The following ZNF76 variants were observed in gnomAD, a reference collection of about 807,000 sequenced individuals.
ZNF76 encodes zinc finger protein 523.
Under a neutral mutation model 66.9 loss-of-function variants are expected in ZNF76, and 66 were observed. The ratio of observed to expected loss-of-function variants is 0.99; its 90% confidence interval spans 0.81 to 1.21. The LOEUF (loss-of-function observed/expected upper bound fraction) is 1.21. Among genes scored for constraint, ZNF76 ranks in the 50% most tolerant of loss-of-function variants. ZNF76 has a pLI of 0.00. For missense variants in ZNF76, 729 were observed against 760.3 expected, an observed-to-expected ratio of 0.96 and a Z score of 0.48; for synonymous variants, 275 against 296.1, an observed-to-expected ratio of 0.93 and a Z score of 0.73.
chr6:35,265,544 G>GCCAGGATT lies in ZNF76; in HGVS notation c.-97+5705_-97+5712dup, dbSNP rs1344546377. ...AAAAGAAGAAGAAGAAGAAGAAAAT[G>GCCAGGATT]CCAGGATTCTGGGTGTTAAAATTTT... On this transcript the variant is annotated intron_variant, in intron 1 of 13. Transcript: ENST00000373953. Among the ~76,000 whole-genome samples the GCCAGGATT allele has an allele frequency of 2.0e-5, 3 of 151,346 alleles. No homozygotes were observed. The East Asian group carries it at 5.8e-4, about 29-fold the overall frequency.
intron 1 of ZNF76, among the ~76,000 whole-genome samples, chr6:35,278,542 A>G (rs10484578): frequency 0.49 from 74,705 of 152,200 alleles, 22,762 homozygotes; most frequent in Non-Finnish European, 0.66. Context: ...CAATGTACAA[A>G]TATCTGTCTC....
At chr6:35,288,200 G>T (rs1363280007) in intron 5 of ZNF76, 1 of 486,764 alleles carries the variant, frequency 2.1e-6, no homozygotes, top group African/African-American at 1.9e-5. Flanking sequence ...CTCTGCACTA[G>T]CTGGGAAAGC....
At position 35,295,230 on chromosome 6, in the gene ZNF76, G is replaced by T. The variant is rs1318845824; in HGVS notation, c.1695G>T (p.Val565=). Residue 565 remains valine, a synonymous_variant, in exon 14 of 14, where the codon GTG becomes GTT. Transcript: ENST00000373953. ...GGGCTGTGACCCTGGAGACAACAGT[G>T]TCGGAGAGTGGCTGCTGAGTCCAAG... ...QQGAVTLETT[V]SESGC is the part of the protein sequence containing the mutation. 6.2e-7 allele frequency: 1 copy of T among 1,607,380 alleles called. No homozygotes were observed. Among genetic ancestry groups the T allele is most frequent in the Non-Finnish European group, 8.5e-7 (1 of 1,177,122 alleles).
intron 1 of ZNF76, among the ~76,000 whole-genome samples, chr6:35,266,705 A>G (rs2150339461): frequency 6.6e-6 from 1 of 151,642 alleles, no homozygotes; most frequent in South Asian, 2.1e-4. Flanking sequence ...GCCACCAGGT[A>G]GCTATGTGAT....
chr6:35,293,728 T>C, intron 11 of ZNF76, 23 bp from the exon 12 acceptor site: 2 of 1,611,364 alleles, frequency 1.2e-6, no homozygotes, highest in South Asian at 2.2e-5. Flanking sequence ...CACTGCCAGC[T>C]CATCTTCCCC....
intron 1 of ZNF76, among the ~76,000 whole-genome samples, chr6:35,271,356 G>C (rs529322691): frequency 3.3e-5 from 5 of 152,334 alleles, no homozygotes; most frequent in African/African-American, 1.2e-4. Context: ...CAGCCTCATG[G>C]ACATTGCTTT....
chr6:35,279,899 A>C (rs1788504066), intron 1 of ZNF76: 1 of 152,206 alleles, frequency 6.6e-6, no homozygotes, highest in African/African-American at 2.4e-5. Context: ...TGGTATGATC[A>C]AAGCTTACTG....
chr6:35,272,979 C>T (rs766542872), intron 1 of ZNF76, among the ~76,000 whole-genome samples: 1 of 152,002 alleles, frequency 6.6e-6, no homozygotes, highest in Non-Finnish European at 1.5e-5. Context: ...CATGGCGAAA[C>T]CCTGTCTGTA....
intron 1 of ZNF76, among the ~76,000 whole-genome samples, chr6:35,261,716 C>G (rs1469860550): frequency 6.6e-6 from 1 of 152,202 alleles, no homozygotes; most frequent in African/African-American, 2.4e-5. Flanking sequence ...GTTCCTTGAT[C>G]CCTAAGGTTT....
intron 2 of ZNF76, among the ~76,000 whole-genome samples, chr6:35,283,302 C>T (rs1018511732): frequency 6.6e-6 from 1 of 152,214 alleles, no homozygotes; most frequent in Non-Finnish European, 1.5e-5. Context: ...TCCCTCTGCT[C>T]AGGGTAGAGC....
At chr6:35,290,223 A>T in intron 5 of ZNF76, 43 bp from the exon 6 acceptor site, 1 of 1,609,306 alleles carries the variant, frequency 6.2e-7, no homozygotes, top group Non-Finnish European at 8.5e-7. Flanking sequence ...CACCTTCTTC[A>T]CTGGGGAGAA....
At position 35,294,480 on chromosome 6, in the gene ZNF76, G is replaced by A; in HGVS notation, c.1519G>A (p.Val507Met). Reference protein sequence around the residue: ...QPVTIITSGAVVAEDSSVASL... With the variant: ...QPVTIITSGAMVAEDSSVASL... ...GGTCACAATCATTACCTCTGGGGCT[G>A]TGGTGGCTGAGGACTCAAGTGTAGC... The change falls in exon 13 of 14, where the codon GTG (valine) becomes ATG (methionine). Residue 507 changes from valine to methionine, a missense_variant. By Grantham distance (21) the Val-to-Met change is conservative. Coordinates refer to ENST00000373953, the MANE Select transcript of ZNF76 (RefSeq NM_003427.5). 3 of 1,613,972 alleles carry A rather than the reference G, an allele frequency of 1.9e-6. No homozygotes were observed. Among genetic ancestry groups the A allele is most frequent in the Non-Finnish European group, 2.5e-6 (3 of 1,179,928 alleles).
intron 1 of ZNF76, among the ~76,000 whole-genome samples, chr6:35,271,527 G>A (rs533132149): frequency 9.8e-5 from 15 of 152,290 alleles, no homozygotes; most frequent in African/African-American, 2.9e-4. Context: ...AAAATTTCCC[G>A]GGGGTGATGG....
rs1049259079 is a variant in ZNF76 at position 35,287,680 on chromosome 6, A to G, written c.267A>G (p.Gln89=). Residue 89 remains glutamine, a synonymous_variant, in exon 5 of 14, where the codon CAA becomes CAG. Transcript: ENST00000373953. The surrounding 1 kb of genome is among the most constrained non-coding windows in gnomAD (Gnocchi z 4.0). The part of the protein sequence containing the change: ...GYDPSTLEAV[Q]LEDGSTAYIH... The stretch of plus-strand genomic sequence containing the variant: ...ACCCCAGCACCCTGGAAGCCGTCCA[A>G]CTGGAAGATGGCTCCACTGCCTACA... The G allele has an allele frequency of 6.2e-6, 10 of 1,613,928 alleles. No individual in the cohort carries two copies. Among genetic ancestry groups the G allele is most frequent in the South Asian group, 1.1e-5 (1 of 91,078 alleles).
chr6:35,275,955 G>A (rs1333316855), intron 1 of ZNF76, among the ~76,000 whole-genome samples: 1 of 152,146 alleles, frequency 6.6e-6, no homozygotes, highest in Non-Finnish European at 1.5e-5. Context: ...GAAGGAAGAA[G>A]TGCGCCAGAT....
At chr6:35,276,446 A>G (rs942974219) in intron 1 of ZNF76, among the ~76,000 whole-genome samples, 43 of 152,190 alleles carry the variant, frequency 2.8e-4, no homozygotes, top group African/African-American at 9.4e-4. Context: ...GAGTACAGGC[A>G]TATGTGCCCT....
chr6:35,269,399 GT>G (rs1214357966), intron 1 of ZNF76, among the ~76,000 whole-genome samples: 2 of 151,674 alleles, frequency 1.3e-5, no homozygotes, highest in African/African-American at 4.8e-5. Flanking sequence ...TCATTATACT[GT>G]CATTACCTGG....
At chr6:35,274,930 G>A (rs541461138) in intron 1 of ZNF76, among the ~76,000 whole-genome samples, 9 of 152,174 alleles carry the variant, frequency 5.9e-5, no homozygotes, top group Non-Finnish European at 1.0e-4. Context: ...CAAGGTGGGC[G>A]GATCAAGAGG....
Position 35,269,002 on chromosome 6 carries a change from C to G in ZNF76, c.-97+9161C>G, listed in dbSNP as rs1036672381. Among the ~76,000 whole-genome samples the G allele has an allele frequency of 2.0e-5, 3 of 151,764 alleles. No individual in the cohort carries two copies. The East Asian group carries it at 5.8e-4, about 30-fold the overall frequency. On this transcript the variant is annotated intron_variant, in intron 1 of 13. Coordinates refer to ENST00000373953, the MANE Select transcript of ZNF76 (RefSeq NM_003427.5). ...TTGCTGGCAAAAGTATGAGGCCAGC[C>G]GGGTGTGGTGGCTCATGTCTGTAAT...
Sources: allele counts gnomAD v4.1 joint callset (sites outside exome capture counted in the v4.1 genomes callset), GRCh38; gene constraint gnomAD v4.1.1; non-coding constraint Gnocchi (gnomAD v3.1); transcripts MANE v1.5; gene names NCBI Gene and HGNC (gene_info 2026-07-23, HGNC 2026-07-21).